Variants in GRM7 observed in about 807,000 individuals in gnomAD.
GRM7 encodes the protein metabotropic glutamate receptor 7.
Under a neutral mutation model 84.5 loss-of-function variants are expected in GRM7, and 35 were observed. That is an observed-to-expected ratio of 0.41 (90% CI 0.32 to 0.55). The LOEUF is 0.55. Ranked by LOEUF, GRM7 falls within the 20% of genes least tolerant of loss-of-function variation. GRM7 has a pLI of 0.19. For missense variants in GRM7, 1,003 were observed against 1,194.6 expected (o/e 0.84, Z 2.36); for synonymous variants, 487 against 455.1 (o/e 1.07, Z -0.89).
intron 1 of GRM7, among the ~76,000 whole-genome samples, chr3:6,962,847 A>G (rs1693354418): frequency 6.6e-6 from 1 of 152,212 alleles, no homozygotes; most frequent in Admixed American, 6.5e-5. Flanking sequence ...AAGTGGAGAT[A>G]ATTTTTTCTT....
intron 7 of GRM7, among the ~76,000 whole-genome samples, chr3:7,537,121 G>T (rs1701273016): frequency 6.6e-6 from 1 of 152,174 alleles, no homozygotes; most frequent in Non-Finnish European, 1.5e-5. Flanking sequence ...CTGGAGGAGT[G>T]TGTGAGGACA....
intron 1 of GRM7, among the ~76,000 whole-genome samples, chr3:6,984,627 C>G (rs939614756): frequency 2.6e-5 from 4 of 151,472 alleles, no homozygotes; most frequent in African/African-American, 9.7e-5. Flanking sequence ...ACATGACTGG[C>G]ATCTACACAT....
intron 8 of GRM7, among the ~76,000 whole-genome samples, chr3:7,653,791 A>G (rs1044987685): frequency 6.6e-6 from 1 of 152,208 alleles, no homozygotes; most frequent in Admixed American, 6.5e-5. Flanking sequence ...GCTTTCACAA[A>G]TACTGACTCC....
intron 4 of GRM7, among the ~76,000 whole-genome samples, chr3:7,329,642 AAC>A (rs1701119969): frequency 2.0e-5 from 3 of 152,174 alleles, no homozygotes; most frequent in Non-Finnish European, 2.9e-5. Flanking sequence ...AAAAAATTTC[AAC>A]AGTCTTATAT....
chr3:7,477,430 C>T (rs181462992), intron 7 of GRM7, among the ~76,000 whole-genome samples: 5 of 152,286 alleles, frequency 3.3e-5, no homozygotes, highest in Non-Finnish European at 5.9e-5. Flanking sequence ...CTTAGCTCTT[C>T]AACCCTGACG....
chr3:7,468,812 T>C (rs1309450014), intron 7 of GRM7, among the ~76,000 whole-genome samples: 3 of 152,130 alleles, frequency 2.0e-5, no homozygotes, highest in African/African-American at 7.2e-5. Context: ...CACTCCTTTC[T>C]CCTGCCACCA....
At chr3:7,180,085 A>G (rs752233274) in intron 2 of GRM7, among the ~76,000 whole-genome samples, 8 of 152,212 alleles carry the variant, frequency 5.3e-5, no homozygotes, top group Non-Finnish European at 1.0e-4. Flanking sequence ...TGACTTTCAC[A>G]GAACATTGTT....
intron 4 of GRM7, among the ~76,000 whole-genome samples, chr3:7,345,406 G>T (rs1692844887): frequency 1.3e-5 from 2 of 151,504 alleles, no homozygotes; most frequent in Admixed American, 6.6e-5. Flanking sequence ...CCTCCCAAAT[G>T]GTAGCTGGGA....
At chr3:6,942,066 A>G (rs1697913082) in intron 1 of GRM7, among the ~76,000 whole-genome samples, 1 of 152,152 alleles carries the variant, frequency 6.6e-6, no homozygotes, top group Non-Finnish European at 1.5e-5. Flanking sequence ...AGTGTTAATC[A>G]CTTTTATTTT....
intron 2 of GRM7, among the ~76,000 whole-genome samples, chr3:7,218,813 A>AAT (rs71307750): frequency 0.21 from 32,366 of 151,724 alleles, 3,470 homozygotes; most frequent in African/African-American, 0.23. Context: ...GTGCATTACA[A>AAT]ATATATATAT....
intron 8 of GRM7, among the ~76,000 whole-genome samples, chr3:7,615,107 T>C (rs1000030808): frequency 1.3e-5 from 2 of 152,178 alleles, no homozygotes; most frequent in Non-Finnish European, 2.9e-5. Context: ...CCTTTTTTTC[T>C]TTACCTATTT....
intron 8 of GRM7, among the ~76,000 whole-genome samples, chr3:7,589,913 T>C (rs577673063): frequency 4.6e-5 from 7 of 152,002 alleles, no homozygotes; most frequent in African/African-American, 9.7e-5. Context: ...CCTTGACTTA[T>C]AACCAACAGT....
chr3:7,538,447 G>T (rs1197989458), intron 7 of GRM7, among the ~76,000 whole-genome samples: 5 of 152,108 alleles, frequency 3.3e-5, no homozygotes, highest in Non-Finnish European at 7.4e-5. Flanking sequence ...CTTTGTCTAT[G>T]GCCTGCTTTA....
chr3:7,395,843 C>A (rs181238162), intron 4 of GRM7, among the ~76,000 whole-genome samples: 4 of 152,142 alleles, frequency 2.6e-5, no homozygotes, highest in African/African-American at 9.6e-5. Context: ...AATACATATA[C>A]CATTGTAGGA....
chr3:7,473,483 C>T (rs1036007232), intron 7 of GRM7, among the ~76,000 whole-genome samples: 5 of 66,192 alleles, frequency 7.6e-5, no homozygotes, highest in Non-Finnish European at 1.6e-4. Flanking sequence ...CTCTTAAAAA[C>T]GAGAGGGAGA....
At chr3:7,592,691 A>T (rs1344596070) in intron 8 of GRM7, among the ~76,000 whole-genome samples, 4 of 152,254 alleles carry the variant, frequency 2.6e-5, no homozygotes, top group African/African-American at 9.6e-5. Context: ...CTGCTACCTG[A>T]CAAGTGACCA....
intron 1 of GRM7, among the ~76,000 whole-genome samples, chr3:6,960,467 A>G (rs1693249909): frequency 6.6e-6 from 1 of 152,106 alleles, no homozygotes; most frequent in Non-Finnish European, 1.5e-5. Flanking sequence ...CCAAAATACT[A>G]CCAGATTAAT....
intron 9 of GRM7, among the ~76,000 whole-genome samples, chr3:7,734,920 G>T (rs1232025208): frequency 1.3e-5 from 2 of 152,154 alleles, no homozygotes; most frequent in Admixed American, 6.5e-5. Context: ...TAGCTTTCTT[G>T]AAGTCTCAAA....
rs187916796 is a variant in GRM7, at chr3:7,345,119, T to C, written c.1033+38467T>C. 2.0e-5 allele frequency among the ~76,000 whole-genome samples: 3 copies of C among 152,234 alleles called. No homozygotes were observed. The East Asian group carries it at 5.8e-4, about 29-fold the overall frequency. On this transcript the variant is annotated intron_variant, in intron 4 of 9. Coordinates refer to ENST00000357716, the MANE Select transcript of GRM7 (RefSeq NM_000844.4). ...AGATGAAAAATCTAGAATGTGTGAT[T>C]TTTATAGAAAGAAGCTGACCTGTTA...
Sources: allele counts gnomAD v4.1 joint callset (sites outside exome capture counted in the v4.1 genomes callset), GRCh38; gene constraint gnomAD v4.1.1; transcripts MANE v1.5; gene names NCBI Gene and HGNC (gene_info 2026-07-23, HGNC 2026-07-21).